Variants in TSC22D3 observed in about 807,000 individuals in gnomAD.
The protein encoded by TSC22D3 is TSC22 domain family member 3, also known as TSC22 domain family protein 3.
A neutral mutation model predicts 11.1 loss-of-function variants in TSC22D3; 4 were observed. That is an observed-to-expected ratio of 0.36 (90% CI 0.18 to 0.83). The LOEUF is 0.83. Ranked by LOEUF, TSC22D3 falls within the 40% of genes least tolerant of loss-of-function variation. The pLI, the probability that TSC22D3 is intolerant of heterozygous loss-of-function variation, is 0.48. For missense variants in TSC22D3, 118 were observed against 159.4 expected, an observed-to-expected ratio of 0.74 and a Z score of 1.40; for synonymous variants, 77 against 70.3, an observed-to-expected ratio of 1.10 and a Z score of -0.48.
intron 1 of TSC22D3, among the ~76,000 whole-genome samples, chrX:107,767,079 C>T (rs1002401570): frequency 1.8e-5 from 2 of 111,463 alleles, no homozygotes; most frequent in African/African-American, 6.5e-5. Flanking sequence ...TTAGGGATAG[C>T]TCTAGCCAAT....
intron 1 of TSC22D3, among the ~76,000 whole-genome samples, chrX:107,726,810 C>T (rs1353004139): frequency 5.4e-5 from 6 of 111,328 alleles, no homozygotes; most frequent in African/African-American, 1.6e-4. Flanking sequence ...CCTGCCAAAG[C>T]TCATACACCT....
At chrX:107,731,140 G>A (rs750546658) in intron 1 of TSC22D3, among the ~76,000 whole-genome samples, 1 of 112,477 alleles carries the variant, frequency 8.9e-6, no homozygotes, top group East Asian at 2.8e-4. Context: ...GGGGATGGTA[G>A]GGAAAGAACA....
chrX:107,755,133 T>TA (rs1331023941), intron 1 of TSC22D3, among the ~76,000 whole-genome samples: 1 of 112,177 alleles, frequency 8.9e-6, no homozygotes, highest in Non-Finnish European at 1.9e-5. Flanking sequence ...CTTTTTTCTT[T>TA]AAAAAAATGG....
intron 1 of TSC22D3, among the ~76,000 whole-genome samples, chrX:107,724,065 G>A (rs182187831): frequency 5.1e-4 from 58 of 112,819 alleles, no homozygotes; most frequent in East Asian, 3.3e-3. Flanking sequence ...TATTCACCAT[G>A]AGCTCATTTG....
rs747569134 is a variant in TSC22D3, at chrX:107,775,290, T to C, written c.130A>G (p.Thr44Ala). 8.3e-7 allele frequency: 1 copy of C among 1,210,574 alleles called. No homozygotes were observed. Among genetic ancestry groups the C allele is most frequent in the South Asian group, 1.8e-5 (1 of 56,829 alleles). Residue 44 changes from threonine to alanine, a missense_variant, in exon 1 of 3, where the codon ACA (threonine) becomes GCA (alanine). Physicochemically the swap from Thr to Ala is moderately conservative, Grantham distance 58. Transcript: ENST00000372383. Reference sequence around the variant, plus strand: ...TGCAGCTGCCGAAAGTTGCTCACTGTAGGGCTGCCCGGGTTGTTGTTCTCC... The same window carrying C: ...TGCAGCTGCCGAAAGTTGCTCACTGCAGGGCTGCCCGGGTTGTTGTTCTCC... ...SGENNNPGSPTVSNFRQLQEK... is the reference protein window; with the variant it reads ...SGENNNPGSPAVSNFRQLQEK...
chrX:107,730,525 C>G (rs772774005), intron 1 of TSC22D3, among the ~76,000 whole-genome samples: 1 of 111,518 alleles, frequency 9.0e-6, no homozygotes, highest in East Asian at 2.8e-4. Context: ...TAAGCCCCCC[C>G]GGAATGCCAG....
At chrX:107,752,116 C>T (rs959996434) in intron 1 of TSC22D3, among the ~76,000 whole-genome samples, 1 of 111,849 alleles carries the variant, frequency 8.9e-6, no homozygotes. Flanking sequence ...TCCTAAGCAG[C>T]GGCGGGGGGT....
chrX:107,761,319 G>A, intron 1 of TSC22D3, among the ~76,000 whole-genome samples: 1 of 112,374 alleles, frequency 8.9e-6, no homozygotes, highest in East Asian at 2.8e-4. Flanking sequence ...CTCTGAAAGA[G>A]GGACAGGGAA....
intron 1 of TSC22D3, among the ~76,000 whole-genome samples, chrX:107,720,832 A>ATT (rs955854332): frequency 9.0e-6 from 1 of 110,991 alleles, no homozygotes; most frequent in African/African-American, 3.3e-5. Context: ...ACACCAGAAA[A>ATT]TTTCTCCACC....
At position 107,721,415 on chromosome X, in the gene TSC22D3, G is replaced by A. The variant is rs757419259; in HGVS notation, c.321-5465C>T. On this transcript the variant is annotated intron_variant, in intron 1 of 2. Transcript: ENST00000372383. The stretch of plus-strand genomic sequence containing the variant: ...GGCAAAGTCTGGGCAGCATAACCCC[G>A]GGCAGGATCTCAGAGCCCTGATGGC... Among the ~76,000 whole-genome samples, 17 of 112,002 alleles carry A rather than the reference G, an allele frequency of 1.5e-4. No individual in the cohort carries two copies. The South Asian group carries it at 3.0e-3, about 20-fold the overall frequency.
At chrX:107,718,372 A>G (rs1927166534) in intron 1 of TSC22D3, among the ~76,000 whole-genome samples, 1 of 112,621 alleles carries the variant, frequency 8.9e-6, no homozygotes, top group African/African-American at 3.2e-5. Context: ...CCACATATAC[A>G]ACAGTTTGGA....
chrX:107,758,553 G>T (rs1193439619), intron 1 of TSC22D3, among the ~76,000 whole-genome samples: 1 of 111,824 alleles, frequency 8.9e-6, no homozygotes, highest in Non-Finnish European at 1.9e-5. Flanking sequence ...CCTGCACTGA[G>T]TCATGCAACA....
intron 1 of TSC22D3, among the ~76,000 whole-genome samples, chrX:107,764,539 C>T (rs1435907946): frequency 9.0e-6 from 1 of 111,686 alleles, no homozygotes; most frequent in Non-Finnish European, 1.9e-5. Flanking sequence ...GGCTTCTTAC[C>T]TTTCTCAACC....
chrX:107,773,678 A>G (rs772436720), intron 1 of TSC22D3, among the ~76,000 whole-genome samples: 1 of 112,055 alleles, frequency 8.9e-6, no homozygotes, highest in Non-Finnish European at 1.9e-5. Flanking sequence ...AAGGGCTTCA[A>G]TGGTGTCGAA....
rs146587787 is a variant in TSC22D3 at position 107,722,555 on chromosome X, A to G, written c.321-6605T>C. On this transcript the variant is annotated intron_variant, in intron 1 of 2. Coordinates refer to ENST00000372383, the MANE Select transcript of TSC22D3 (RefSeq NM_198057.3). ...CTGCCATGTCAGCAGGACTGGAAGT[A>G]TTTATTGGCGACTTATCCAGGAATG... 2.7e-5 allele frequency among the ~76,000 whole-genome samples: 3 copies of G among 112,265 alleles called. No homozygotes were observed. In the Admixed American group the frequency reaches 2.8e-4, roughly 11 times the overall value.
intron 1 of TSC22D3, among the ~76,000 whole-genome samples, chrX:107,762,919 C>T (rs1036169668): frequency 1.0e-5 from 1 of 98,031 alleles, no homozygotes; most frequent in Admixed American, 1.1e-4. Flanking sequence ...TGCAATGGCA[C>T]GATCTCGGAT....
In TSC22D3 at chrX:107,713,837, G is replaced by A. The variant is rs1033421666; in HGVS notation, c.*682C>T. ...AGGTGGATGTGTATATGTATACATC[G>A]CTACACTAAGATACAGATCTAGCCC... On this transcript the variant is annotated 3_prime_UTR_variant, in exon 3 of 3. Coordinates refer to ENST00000372383, the MANE Select transcript of TSC22D3 (RefSeq NM_198057.3). 2 of 112,649 alleles carry A rather than the reference G, an allele frequency of 1.8e-5. No homozygotes were observed. Among genetic ancestry groups the A allele is most frequent in the Admixed American group, 9.4e-5 (1 of 10,671 alleles). 9.3% of individuals were successfully genotyped at this position (112,649 alleles called of 1,213,427 possible). A position where few individuals can be genotyped will look rare whatever the true frequency, so the allele number is the denominator to read the frequency against.
At chrX:107,741,665 T>C (rs921954604) in intron 1 of TSC22D3, among the ~76,000 whole-genome samples, 1 of 112,120 alleles carries the variant, frequency 8.9e-6, no homozygotes, top group Non-Finnish European at 1.9e-5. Flanking sequence ...CCTTGCTCAG[T>C]GCCTGGAGAC....
intron 1 of TSC22D3, among the ~76,000 whole-genome samples, chrX:107,718,932 A>G (rs773263946): frequency 4.5e-5 from 5 of 111,732 alleles, no homozygotes; most frequent in East Asian, 5.6e-4. Context: ...TAAAAAAAAA[A>G]ACCTCTTAAA....
Sources: allele counts gnomAD v4.1 joint callset (sites outside exome capture counted in the v4.1 genomes callset), GRCh38; gene constraint gnomAD v4.1.1; transcripts MANE v1.5; gene names NCBI Gene and HGNC (gene_info 2026-07-23, HGNC 2026-07-21).